PTPRD: variants seen among roughly 807,000 people sequenced by gnomAD.
PTPRD encodes protein tyrosine phosphatase receptor type D.
In PTPRD, 34 loss-of-function variants were observed where a neutral mutation model predicts 214.5. The observed-to-expected ratio is 0.16, with a 90% CI of 0.12 to 0.21. PTPRD has a LOEUF of 0.21. Among genes scored for constraint, PTPRD ranks in the 10% least tolerant of loss-of-function variants. The pLI, the probability that PTPRD is intolerant of heterozygous loss-of-function variation, is 1.00. For synonymous variants in PTPRD, 1,128 were observed against 845.7 expected (o/e 1.33, Z -5.79); for missense variants, 2,545 against 2,398.7 (o/e 1.06, Z -1.27).
Position 9,631,192 on chromosome 9 carries a change from C to CATAAATAAATAA in PTPRD, c.-286-56423_-286-56412dup, listed in dbSNP as rs140642091. Among the ~76,000 whole-genome samples, 1,250 of 139,512 alleles carry CATAAATAAATAA rather than the reference C, an allele frequency of 9.0e-3. 17 individuals carry two copies. The highest frequency in any genetic ancestry group is 0.032 in the African/African-American group (1,191 of 37,068). The allele number at this position is 139,512 out of a possible 152,430, so 91.5% of individuals were successfully genotyped here. On this transcript the variant is annotated intron_variant, in intron 7 of 45. Transcript: ENST00000381196. ...GTACTCCTTAGACAAGTATCTCATT[C>CATAAATAAATAA]ATAAATAAATAAATAAATAAATAAA... is the stretch of plus-strand genomic sequence containing the variant.
At chr9:8,974,241 G>T (rs1372116548) in intron 11 of PTPRD, among the ~76,000 whole-genome samples, 3 of 152,090 alleles carry the variant, frequency 2.0e-5, no homozygotes, top group African/African-American at 4.8e-5. Context: ...GAAAGGTAAA[G>T]ATCTAATTTC....
intron 5 of PTPRD, among the ~76,000 whole-genome samples, chr9:9,768,315 G>T (rs1358748635): frequency 6.6e-6 from 1 of 151,940 alleles, no homozygotes; most frequent in Non-Finnish European, 1.5e-5. Flanking sequence ...ACAGTTTTTG[G>T]GACATAGTGA....
At chr9:9,415,497 T>TA (rs892524023) in intron 8 of PTPRD, among the ~76,000 whole-genome samples, 130 of 152,000 alleles carry the variant, frequency 8.6e-4, no homozygotes, top group African/African-American at 3.0e-3. Context: ...ATAAATAAAA[T>TA]AAAAAAATTT....
chr9:9,236,807 G>A (rs2099967060), intron 9 of PTPRD, among the ~76,000 whole-genome samples: 1 of 152,068 alleles, frequency 6.6e-6, no homozygotes, highest in Non-Finnish European at 1.5e-5. Context: ...AAAATGGCCA[G>A]AGAGAAATGT....
At chr9:9,634,193 T>C (rs2095681796) in intron 7 of PTPRD, among the ~76,000 whole-genome samples, 1 of 152,180 alleles carries the variant, frequency 6.6e-6, no homozygotes, top group South Asian at 2.1e-4. Context: ...GCCAAAACTC[T>C]GTTCAAATAT....
chr9:10,109,981 CAGA>C (rs1304407249), intron 3 of PTPRD, among the ~76,000 whole-genome samples: 3 of 150,938 alleles, frequency 2.0e-5, no homozygotes, highest in Non-Finnish European at 3.0e-5. Flanking sequence ...AAAAAAAAAG[CAGA>C]AGAAGAAAAG....
intron 7 of PTPRD, among the ~76,000 whole-genome samples, chr9:9,629,420 C>A (rs1279477550): frequency 1.3e-5 from 2 of 152,018 alleles, no homozygotes; most frequent in South Asian, 2.1e-4. Context: ...GCAAGTGTGT[C>A]TTCTTCCATA....
intron 8 of PTPRD, among the ~76,000 whole-genome samples, chr9:9,487,216 C>G (rs997590007): frequency 1.3e-5 from 2 of 152,044 alleles, no homozygotes; most frequent in African/African-American, 4.8e-5. Flanking sequence ...CCCCTTCCCC[C>G]CACCCAACAA....
chr9:9,903,078 A>T (rs10816219), intron 5 of PTPRD, among the ~76,000 whole-genome samples: 1 of 151,848 alleles, frequency 6.6e-6, no homozygotes, highest in Non-Finnish European at 1.5e-5. Context: ...TGAGCTAAAG[A>T]CATATATTCT....
chr9:9,371,591 G>A (rs1167966123), intron 9 of PTPRD, among the ~76,000 whole-genome samples: 1 of 152,010 alleles, frequency 6.6e-6, no homozygotes, highest in Non-Finnish European at 1.5e-5. Flanking sequence ...TTTTTGAAGG[G>A]TTTTTTGTGT....
intron 11 of PTPRD, among the ~76,000 whole-genome samples, chr9:8,782,728 G>A (rs2095779613): frequency 6.6e-6 from 1 of 151,586 alleles, no homozygotes; most frequent in African/African-American, 2.4e-5. Flanking sequence ...CTCCGGAGTA[G>A]CTGGGATTAC....
chr9:9,848,839 G>A (rs2060021751), intron 5 of PTPRD, among the ~76,000 whole-genome samples: 1 of 151,950 alleles, frequency 6.6e-6, no homozygotes, highest in African/African-American at 2.4e-5. Flanking sequence ...TCTTCAAGAT[G>A]CCTAAGTATT....
At chr9:9,246,484 C>T (rs538916594) in intron 9 of PTPRD, among the ~76,000 whole-genome samples, 2 of 152,188 alleles carry the variant, frequency 1.3e-5, no homozygotes, top group Non-Finnish European at 2.9e-5. Context: ...TGTCAGTTTG[C>T]TCCTTCCTGC....
At chr9:8,810,659 T>A (rs1185216112) in intron 11 of PTPRD, among the ~76,000 whole-genome samples, 2 of 152,232 alleles carry the variant, frequency 1.3e-5, no homozygotes, top group Admixed American at 6.5e-5. Flanking sequence ...TCTGAATTTT[T>A]ATTTGCCATT....
At chr9:8,964,006 G>C (rs1406604592) in intron 11 of PTPRD, among the ~76,000 whole-genome samples, 1 of 151,928 alleles carries the variant, frequency 6.6e-6, no homozygotes, top group Non-Finnish European at 1.5e-5. Flanking sequence ...TTGGCCTGTA[G>C]TTTTCTTTTT....
Position 10,187,544 on chromosome 9 carries a change from C to T in PTPRD, c.-545+153419G>A, listed in dbSNP as rs140258167. Among the ~76,000 whole-genome samples, 152 of 152,286 alleles carry T rather than the reference C, an allele frequency of 1.0e-3. 2 individuals carry two copies. The highest frequency in any genetic ancestry group is 3.3e-3 in the African/African-American group (139 of 41,556). On this transcript the variant is annotated intron_variant, in intron 3 of 45. Coordinates refer to ENST00000381196, the MANE Select transcript of PTPRD (RefSeq NM_002839.4). ...GCTTTGAACTTGGCCTTTCGAATTC[C>T]TTCCAGTTCTAACTTGCAGTGAGTA...
chr9:9,688,578 A>G (rs1296466917), intron 7 of PTPRD, among the ~76,000 whole-genome samples: 1 of 151,942 alleles, frequency 6.6e-6, no homozygotes, highest in Non-Finnish European at 1.5e-5. Context: ...AGATAAAGAA[A>G]ATATGAGTAC....
chr9:10,203,022 T>C (rs2099437334), intron 3 of PTPRD, among the ~76,000 whole-genome samples: 1 of 151,962 alleles, frequency 6.6e-6, no homozygotes, highest in Middle Eastern at 3.2e-3. Flanking sequence ...AACTAAGGTA[T>C]ATAGCATAGA....
chr9:9,811,506 G>A (rs984496503), intron 5 of PTPRD, among the ~76,000 whole-genome samples: 5 of 152,128 alleles, frequency 3.3e-5, no homozygotes, highest in Non-Finnish European at 5.9e-5. Context: ...AGGAGATCGA[G>A]ACCATCCTGG....
Sources: gnomAD v4.1 joint callset for allele counts (sites outside exome capture counted in the v4.1 genomes callset) on GRCh38, gnomAD v4.1.1 for gene constraint, MANE v1.5 for transcripts, NCBI Gene and HGNC (gene_info 2026-07-23, HGNC 2026-07-21) for gene names.